RAB7A: variants seen among roughly 807,000 people sequenced by gnomAD.
RAB7A encodes RAB7A, member RAS oncogene family, also known as ras-related protein Rab-7a.
RAB7A carries 2 observed loss-of-function variants against 24.5 expected under a neutral mutation model. The observed-to-expected ratio is 0.08, with a 90% CI of 0.03 to 0.26. The LOEUF (loss-of-function observed/expected upper bound fraction) is 0.26. RAB7A is among the 10% of genes least tolerant of loss of function. The pLI is 1.00. For missense variants in RAB7A, 118 were observed against 255.7 expected (o/e 0.46, Z 3.67); for synonymous variants, 100 against 95.9 (o/e 1.04, Z -0.25).
intron 1 of RAB7A, among the ~76,000 whole-genome samples, chr3:128,730,770 C>T (rs1386193652): frequency 1.3e-5 from 2 of 152,182 alleles, no homozygotes; most frequent in Middle Eastern, 3.2e-3. Context: ...ACAGCATTGG[C>T]CTTGTTCATT....
intron 1 of RAB7A, among the ~76,000 whole-genome samples, chr3:128,793,872 TGACCCTCTGCATAGGTCATGG>T (rs538802198): frequency 1.3e-5 from 2 of 152,322 alleles, no homozygotes; most frequent in African/African-American, 4.8e-5. Context: ...AGAAACAGCT[TGACCCTCTGCATAGGTCATGG>T]GACCTGGGGT....
At position 128,795,003 on chromosome 3, in the gene RAB7A, A is replaced by G. The variant is rs541770874; in HGVS notation, c.-8-357A>G. 3.2e-4 allele frequency among the ~76,000 whole-genome samples: 48 copies of G among 152,230 alleles called. No homozygotes were observed. The South Asian group carries it at 1.0e-2, about 32-fold the overall frequency. Reference sequence around the variant, plus strand: ...AAATAAAGCGGTCACTTCTTTGAGAAAGTGATACTGAAGCAGCGACCTGAA... The same window carrying G: ...AAATAAAGCGGTCACTTCTTTGAGAGAGTGATACTGAAGCAGCGACCTGAA... On this transcript the variant is annotated intron_variant, in intron 1 of 5. Transcript: ENST00000265062.
chr3:128,737,605 C>T (rs2070502756), intron 1 of RAB7A, among the ~76,000 whole-genome samples: 1 of 151,474 alleles, frequency 6.6e-6, no homozygotes, highest in Admixed American at 6.6e-5. Flanking sequence ...CTCAGCCTCC[C>T]AAGGTGCTGG....
chr3:128,748,946 G>A (rs2070648748), intron 1 of RAB7A: 1 of 152,202 alleles, frequency 6.6e-6, no homozygotes, highest in Non-Finnish European at 1.5e-5. Context: ...GCAGGGAGAA[G>A]GGTGGTCATA....
At chr3:128,776,161 T>A (rs2107603147) in intron 1 of RAB7A, among the ~76,000 whole-genome samples, 1 of 152,344 alleles carries the variant, frequency 6.6e-6, no homozygotes, top group East Asian at 1.9e-4. Context: ...GTGCCAGGCT[T>A]ATTTCACTAA....
chr3:128,761,339 T>C (rs906294051), intron 1 of RAB7A, among the ~76,000 whole-genome samples: 1 of 152,202 alleles, frequency 6.6e-6, no homozygotes, highest in Non-Finnish European at 1.5e-5. Context: ...AAACTTAAAA[T>C]ATGGCAAACC....
intron 1 of RAB7A, among the ~76,000 whole-genome samples, chr3:128,748,356 C>T (rs1437835751): frequency 6.6e-6 from 1 of 152,160 alleles, no homozygotes; most frequent in Non-Finnish European, 1.5e-5. Context: ...AACACTTGTT[C>T]TTCTCAGCTG....
chr3:128,751,883 C>T (rs1184506021), intron 1 of RAB7A, among the ~76,000 whole-genome samples: 1 of 152,164 alleles, frequency 6.6e-6, no homozygotes, highest in Non-Finnish European at 1.5e-5. Flanking sequence ...CCATGCTGTT[C>T]TCGAGTTAGG....
chr3:128,783,016 C>T (rs1230154535), intron 1 of RAB7A, among the ~76,000 whole-genome samples: 1 of 152,190 alleles, frequency 6.6e-6, no homozygotes, highest in African/African-American at 2.4e-5. Flanking sequence ...GGCACTCTCA[C>T]AGAGGCAGTG....
chr3:128,739,940 C>G (rs2070533571), intron 1 of RAB7A, among the ~76,000 whole-genome samples: 1 of 152,112 alleles, frequency 6.6e-6, no homozygotes, highest in Non-Finnish European at 1.5e-5. Flanking sequence ...GTGGCACATG[C>G]CTGTAATCCC....
intron 1 of RAB7A, among the ~76,000 whole-genome samples, chr3:128,762,042 A>G (rs1173111377): frequency 2.6e-5 from 4 of 152,236 alleles, no homozygotes; most frequent in African/African-American, 9.6e-5. Context: ...AAACAAAAAT[A>G]AACTTCATGG....
chr3:128,761,077 C>T (rs1024751394), intron 1 of RAB7A, among the ~76,000 whole-genome samples: 5 of 152,154 alleles, frequency 3.3e-5, no homozygotes, highest in African/African-American at 1.2e-4. Context: ...AAATCCTTGG[C>T]GTAAGTGTAT....
chr3:128,799,415 C>T (rs1476445241), intron 3 of RAB7A, among the ~76,000 whole-genome samples: 2 of 152,154 alleles, frequency 1.3e-5, no homozygotes, highest in Non-Finnish European at 2.9e-5. Flanking sequence ...TTGTTCTTTC[C>T]TATGTGCTTC....
At chr3:128,813,305 C>A (rs931295609) in intron 5 of RAB7A, 22 bp from the exon 6 acceptor site, 2 of 1,605,712 alleles carry the variant, frequency 1.2e-6, no homozygotes, top group African/African-American at 2.7e-5. Context: ...AGTAACCAAC[C>A]TTTCTCTGTT....
intron 1 of RAB7A, among the ~76,000 whole-genome samples, chr3:128,735,794 C>T (rs141321648): frequency 2.6e-5 from 4 of 152,178 alleles, no homozygotes; most frequent in South Asian, 2.1e-4. Flanking sequence ...ATCAAACTAT[C>T]GAAGATAGTT....
intron 1 of RAB7A, among the ~76,000 whole-genome samples, chr3:128,793,324 T>C (rs1480734877): frequency 6.6e-6 from 1 of 152,054 alleles, no homozygotes; most frequent in Non-Finnish European, 1.5e-5. Context: ...CCCAGCAATT[T>C]TTGTATTTTT....
At chr3:128,727,245 CAGTGGGA>C (rs2070389592) in intron 1 of RAB7A, among the ~76,000 whole-genome samples, 1 of 152,316 alleles carries the variant, frequency 6.6e-6, no homozygotes, top group South Asian at 2.1e-4. Context: ...CCACTTAACA[CAGTGGGA>C]AGTTGAACAG....
chr3:128,737,825 G>GGTT (rs2070506150), intron 1 of RAB7A, among the ~76,000 whole-genome samples: 1 of 59,480 alleles, frequency 1.7e-5, no homozygotes, highest in Non-Finnish European at 3.0e-5. Flanking sequence ...TTTTTTTGTA[G>GGTT]TTTTTTTTTT....
chr3:128,727,911 TAAGTTA>T (rs1284008757), intron 1 of RAB7A, among the ~76,000 whole-genome samples: 3 of 152,226 alleles, frequency 2.0e-5, no homozygotes, highest in Non-Finnish European at 4.4e-5. Context: ...AGGGACCGGC[TAAGTTA>T]AAGCTTAGCG....
Sources: allele counts gnomAD v4.1 joint callset (sites outside exome capture counted in the v4.1 genomes callset), GRCh38; gene constraint gnomAD v4.1.1; transcripts MANE v1.5; gene names NCBI Gene and HGNC (gene_info 2026-07-23, HGNC 2026-07-21).